ITSN2: variants seen among roughly 807,000 people sequenced by gnomAD.
ITSN2 encodes intersectin-2.
Under a neutral mutation model 243.7 loss-of-function variants are expected in ITSN2, and 156 were observed. The observed-to-expected ratio is 0.64, with a 90% confidence interval of 0.56 to 0.73. ITSN2 has a LOEUF of 0.73. Ranked by LOEUF, ITSN2 falls within the 30% of genes least tolerant of loss-of-function variation. The pLI, the probability that ITSN2 is intolerant of heterozygous loss-of-function variation, is 0.00. For missense variants in ITSN2, 1,801 were observed against 1,996.1 expected (o/e 0.90, Z 1.86); for synonymous variants, 703 against 699.9 (o/e 1.00, Z -0.07).
Position 24,248,620 on chromosome 2 carries a change from G to A in ITSN2, c.3288+9C>T. The A allele has an allele frequency of 6.3e-7, 1 of 1,588,380 alleles. No homozygotes were observed. The highest frequency in any genetic ancestry group is 1.4e-5 in the African/African-American group (1 of 73,618). On this transcript the variant is annotated intron_variant, in intron 27 of 39. Coordinates refer to ENST00000355123, the MANE Select transcript of ITSN2 (RefSeq NM_006277.3). ...ATAAAATTTATAGATGCTATTTAAAGAATATTACCTGTAACTCTCCTTGCC... is the reference window on the plus strand; with the variant it reads ...ATAAAATTTATAGATGCTATTTAAAAAATATTACCTGTAACTCTCCTTGCC...
At chr2:24,307,353 T>TAA (rs536698735) in intron 8 of ITSN2, among the ~76,000 whole-genome samples, 2 of 140,978 alleles carry the variant, frequency 1.4e-5, no homozygotes, top group Non-Finnish European at 3.1e-5. Context: ...CATTAAAATG[T>TAA]AAAAAAAAAA....
At chr2:24,216,934 A>C (rs1003004071) in intron 31 of ITSN2, among the ~76,000 whole-genome samples, 1 of 151,962 alleles carries the variant, frequency 6.6e-6, no homozygotes, top group Non-Finnish European at 1.5e-5. Flanking sequence ...AAATACAAAA[A>C]ATTAGCCGGG....
chr2:24,272,158 C>A (rs1301324731), intron 18 of ITSN2, among the ~76,000 whole-genome samples: 5 of 152,082 alleles, frequency 3.3e-5, no homozygotes, highest in Non-Finnish European at 7.4e-5. Flanking sequence ...AGTGGATGCA[C>A]TGGGGTGTAT....
At position 24,204,790 on chromosome 2, in the gene ITSN2, G is replaced by A. The variant is rs1267326616; in HGVS notation, c.4763-372C>T. 3 of 474,376 alleles carry A rather than the reference G, an allele frequency of 6.3e-6. No homozygotes were observed. In the Admixed American group the frequency reaches 7.0e-5, roughly 11 times the overall value. 29.4% of individuals were successfully genotyped at this position (474,376 alleles called of 1,614,324 possible). On this transcript the variant is annotated intron_variant, in intron 38 of 39. Coordinates refer to ENST00000355123, the MANE Select transcript of ITSN2 (RefSeq NM_006277.3). This position sits in a 1 kb window ranked among gnomAD's most constrained non-coding sequence, Gnocchi z 5.1. Reference sequence around the variant, plus strand: ...ATATTGGTCCAATATGCGCATTTTAGTGGCACTGGACACACTGTTAGAAAG... The same window carrying A: ...ATATTGGTCCAATATGCGCATTTTAATGGCACTGGACACACTGTTAGAAAG...
At chr2:24,267,781 G>A (rs1030053594) in intron 20 of ITSN2, among the ~76,000 whole-genome samples, 5 of 152,032 alleles carry the variant, frequency 3.3e-5, no homozygotes, top group African/African-American at 9.7e-5. Flanking sequence ...GGTCTCTAAC[G>A]CCAGTACCTA....
chr2:24,208,182 C>A, intron 37 of ITSN2, 55 bp downstream of exon 37: 1 of 1,431,398 alleles, frequency 7.0e-7, no homozygotes, highest in East Asian at 2.3e-5. Context: ...GGAGCAGTGG[C>A]CGGCATTCCT....
chr2:24,308,724 T>C lies in ITSN2; in HGVS notation c.686A>G (p.Asn229Ser). 6.6e-7 allele frequency: 1 copy of C among 1,506,710 alleles called. No homozygotes were observed. The highest frequency in any genetic ancestry group is 2.4e-5 in the East Asian group (1 of 41,632). The allele number at this position is 1,506,710 out of a possible 1,614,324, so 93.3% of individuals were successfully genotyped here. The change falls in exon 8 of 40, where the codon AAC (asparagine) becomes AGC (serine). Residue 229 changes from asparagine to serine, a missense_variant. By Grantham distance (46) the Asn-to-Ser change is conservative (BLOSUM62 1). Around this residue, in one of 5 missense-constraint regions of ITSN2, gnomAD observed 787 missense variants for 803.9 expected, o/e 0.98. Coordinates refer to ENST00000355123, the MANE Select transcript of ITSN2 (RefSeq NM_006277.3). ...STSSTASLSGNSPKTGTSEWA... is the reference protein window; with the variant it reads ...STSSTASLSGSSPKTGTSEWA... ...CTCTGAGGTCCCAGTCTTGGGTGAG[T>C]TCCCTGAGAGTGAAGCAGTCGAGGA...
chr2:24,265,480 T>C (rs1676551718), intron 20 of ITSN2, among the ~76,000 whole-genome samples: 1 of 152,248 alleles, frequency 6.6e-6, no homozygotes, highest in South Asian at 2.1e-4. Flanking sequence ...TAAATAGTTC[T>C]AGTAGCTTAA....
rs1573866064 is a variant in ITSN2, at chr2:24,211,313, G to GT, written c.4090-367dup. Among the ~76,000 whole-genome samples the GT allele has an allele frequency of 6.6e-6, 1 of 152,170 alleles. No individual in the cohort carries two copies. The highest frequency in any genetic ancestry group is 1.9e-4 in the East Asian group (1 of 5,194). ...CCTGTATAAACTGGCTGCAGCTGTG[G>GT]TAAGTGTGAACTTGCTGAATAGCAA... On this transcript the variant is annotated intron_variant, in intron 33 of 39. Coordinates refer to ENST00000355123, the MANE Select transcript of ITSN2 (RefSeq NM_006277.3). This position sits in a 1 kb window ranked among gnomAD's most constrained non-coding sequence, Gnocchi z 4.1.
intron 19 of ITSN2, among the ~76,000 whole-genome samples, chr2:24,271,084 A>G (rs1302022667): frequency 1.3e-5 from 2 of 152,182 alleles, no homozygotes; most frequent in Non-Finnish European, 2.9e-5. Flanking sequence ...AAGGAGACCA[A>G]GCAAAGAGAG....
In ITSN2 at chr2:24,203,627, T is replaced by TA. The variant is rs766290027; in HGVS notation, c.5092dup (p.Ter1698LeufsTer20). 5.0e-6 allele frequency: 8 copies of TA among 1,613,590 alleles called. No individual in the cohort carries two copies. The African/African-American group carries it at 9.3e-5, about 19-fold the overall frequency. Reference sequence around the variant, plus strand: ...CGCTGGTGCTGTCCTTTAGAACCCCTACAGGAGAGTTTTTTGCTCAAAAAG... The same window carrying TA: ...CGCTGGTGCTGTCCTTTAGAACCCCTAACAGGAGAGTTTTTTGCTCAAAAAG... On this transcript the variant is annotated frameshift_variant and stop_lost, in exon 40 of 40. Coordinates refer to ENST00000355123, the MANE Select transcript of ITSN2 (RefSeq NM_006277.3). LOFTEE classifies it high-confidence loss of function.
At chr2:24,228,828 A>G (rs1671294394) in intron 29 of ITSN2, among the ~76,000 whole-genome samples, 1 of 152,238 alleles carries the variant, frequency 6.6e-6, no homozygotes, top group African/African-American at 2.4e-5. Context: ...GTTTTAATCA[A>G]TGTAAATGGC....
At chr2:24,286,164 AG>A (rs1477442887) in intron 16 of ITSN2, 47 bp downstream of exon 16, 1 of 1,087,424 alleles carries the variant, frequency 9.2e-7, no homozygotes, top group Non-Finnish European at 1.3e-6. Flanking sequence ...AAAATAATGA[AG>A]GTAAGAAGGC....
intron 14 of ITSN2, among the ~76,000 whole-genome samples, chr2:24,294,061 G>A (rs888292792): frequency 2.0e-5 from 3 of 152,194 alleles, no homozygotes; most frequent in Non-Finnish European, 4.4e-5. Flanking sequence ...ACTGATGAAT[G>A]ACAGCAGACC....
At chr2:24,308,488 T>G in intron 8 of ITSN2, 129 bp downstream of exon 8, 1 of 515,686 alleles carries the variant, frequency 1.9e-6, no homozygotes, top group Non-Finnish European at 3.3e-6. Flanking sequence ...ATTTATCAAA[T>G]GCCTGCTAAA....
At chr2:24,304,502 C>A (rs1033934969) in intron 8 of ITSN2, among the ~76,000 whole-genome samples, 1 of 151,940 alleles carries the variant, frequency 6.6e-6, no homozygotes, top group African/African-American at 2.4e-5. Flanking sequence ...TTTTTTTAAT[C>A]TGGACATTTA....
chr2:24,358,533 G>A (rs1264351046), intron 1 of ITSN2, among the ~76,000 whole-genome samples: 3 of 152,116 alleles, frequency 2.0e-5, no homozygotes, highest in Non-Finnish European at 4.4e-5. Flanking sequence ...CAGCCAATAT[G>A]TGACCCTTTT....
At chr2:24,357,602 T>TA (rs202211348) in intron 1 of ITSN2, among the ~76,000 whole-genome samples, 224 of 150,110 alleles carry the variant, frequency 1.5e-3, no homozygotes, top group African/African-American at 4.6e-3. Context: ...TTGTAAGAAA[T>TA]AAAAAAAAAT....
At chr2:24,257,315 T>C (rs1332770360) in intron 23 of ITSN2, among the ~76,000 whole-genome samples, 1 of 151,984 alleles carries the variant, frequency 6.6e-6, no homozygotes, top group Non-Finnish European at 1.5e-5. Context: ...TGAGACCCTG[T>C]CTCAAAAACA....
Sources: allele counts gnomAD v4.1 joint callset (sites outside exome capture counted in the v4.1 genomes callset), GRCh38; gene constraint gnomAD v4.1.1; regional missense constraint gnomAD v4.1.1; non-coding constraint Gnocchi (gnomAD v3.1); transcripts MANE v1.5; gene names NCBI Gene and HGNC (gene_info 2026-07-23, HGNC 2026-07-21).